The following ATP10A variants were observed in gnomAD, a reference collection of about 807,000 sequenced individuals.
ATP10A encodes phospholipid-transporting ATPase VA.
A neutral mutation model predicts 147.8 loss-of-function variants in ATP10A; 111 were observed. The ratio of observed to expected loss-of-function variants is 0.75; its 90% confidence interval spans 0.64 to 0.88. The LOEUF (loss-of-function observed/expected upper bound fraction) is 0.88, where lower values mean the gene tolerates loss of function less well. Ranked by LOEUF, ATP10A falls within the 40% of genes least tolerant of loss-of-function variation. ATP10A has a pLI of 0.00. For missense variants in ATP10A, 1,927 were observed against 1,959.0 expected (o/e 0.98, Z 0.31); for synonymous variants, 875 against 841.6 (o/e 1.04, Z -0.69).
intron 1 of ATP10A, among the ~76,000 whole-genome samples, chr15:25,827,311 T>C (rs909411729): frequency 4.6e-5 from 7 of 152,210 alleles, no homozygotes; most frequent in Non-Finnish European, 1.0e-4. Flanking sequence ...AGACTGTAAC[T>C]TGAATAGATC....
At chr15:25,855,821 T>TTAGATA (rs1893493826) in intron 1 of ATP10A, among the ~76,000 whole-genome samples, 1 of 152,170 alleles carries the variant, frequency 6.6e-6, no homozygotes, top group Non-Finnish European at 1.5e-5. Context: ...AAAACAATTA[T>TTAGATA]TAGATATAAT....
intron 2 of ATP10A, among the ~76,000 whole-genome samples, chr15:25,756,796 G>A (rs551334545): frequency 6.6e-6 from 1 of 152,332 alleles, no homozygotes; most frequent in East Asian, 1.9e-4. Context: ...CTGGTTTAAT[G>A]AAAACAGTTG....
intron 13 of ATP10A, among the ~76,000 whole-genome samples, chr15:25,701,633 A>G (rs996960007): frequency 1.3e-5 from 2 of 152,214 alleles, no homozygotes; most frequent in African/African-American, 4.8e-5. Context: ...GTGGAAGCAC[A>G]GGGGACCTCA....
At chr15:25,789,591 T>TGTGTGTGTGTGTGTGA (rs1555470190) in intron 1 of ATP10A, among the ~76,000 whole-genome samples, 1,882 of 151,326 alleles carry the variant, frequency 0.012, 17 homozygotes, top group Middle Eastern at 0.051. Context: ...TGTGTGTGTG[T>TGTGTGTGTGTGTGTGA]GACAGAGACA....
downstream of ATP10A, among the ~76,000 whole-genome samples, chr15:25,674,422 T>C (rs904605350): frequency 7.3e-3 from 20 of 2,726 alleles, no homozygotes; most frequent in Admixed American, 0.14. Flanking sequence ...GGACTGCTGT[T>C]GATAATAAAT....
intron 1 of ATP10A, chr15:25,861,781 C>T (rs1027000126): frequency 2.0e-5 from 3 of 153,674 alleles, no homozygotes; most frequent in Non-Finnish European, 4.3e-5. Flanking sequence ...AGACGACCCA[C>T]CTTTCTCAGG....
At chr15:25,759,063 C>T (rs530489705) in intron 2 of ATP10A, among the ~76,000 whole-genome samples, 1 of 152,360 alleles carries the variant, frequency 6.6e-6, no homozygotes, top group East Asian at 1.9e-4. Flanking sequence ...CACCAGGGGC[C>T]ACGTGCGTCA....
intron 2 of ATP10A, among the ~76,000 whole-genome samples, chr15:25,759,894 T>G (rs143096707): frequency 6.6e-6 from 1 of 152,170 alleles, no homozygotes; most frequent in Admixed American, 6.5e-5. Flanking sequence ...TAATTTCTTG[T>G]GCTTTGTATC....
chr15:25,727,447 G>C (rs1279380328), intron 3 of ATP10A, among the ~76,000 whole-genome samples, 181 bp from the exon 4 acceptor site: 1 of 152,144 alleles, frequency 6.6e-6, no homozygotes, highest in African/African-American at 2.4e-5. Flanking sequence ...GTCTCTGCAA[G>C]AGCTGAGACA....
At chr15:25,733,654 G>A (rs969693769) in intron 3 of ATP10A, among the ~76,000 whole-genome samples, 1 of 152,238 alleles carries the variant, frequency 6.6e-6, no homozygotes, top group East Asian at 1.9e-4. Flanking sequence ...TGGTGGAGAT[G>A]GCGAATTATC....
chr15:25,739,349 A>C (rs956108444), intron 2 of ATP10A, among the ~76,000 whole-genome samples: 3 of 152,238 alleles, frequency 2.0e-5, no homozygotes, highest in African/African-American at 4.8e-5. Context: ...CATCTTCAGC[A>C]ATGCCTGTGG....
In ATP10A at chr15:25,807,285, G is replaced by GC. The variant is rs542503760; in HGVS notation, c.450-26063dup. On this transcript the variant is annotated intron_variant, in intron 1 of 20. Transcript: ENST00000555815. ...GGCAGGTGGGGCAGCCAGCAGGGTG[G>GC]CCCCCCACCAGCCCAGGGGCCTTCC... Among the ~76,000 whole-genome samples the GC allele has an allele frequency of 1.9e-4, 29 of 152,282 alleles. No homozygotes were observed. The South Asian group carries it at 3.3e-3, about 17-fold the overall frequency.
chr15:25,845,322 T>TTGTGTGTGTGTGTGTGTG (rs746244130), intron 1 of ATP10A, among the ~76,000 whole-genome samples: 1 of 141,604 alleles, frequency 7.1e-6, no homozygotes, highest in African/African-American at 2.5e-5. Context: ...GTTTGTGTGT[T>TTGTGTGTGTGTGTGTGTG]TGTGTGTGTG....
downstream of ATP10A, among the ~76,000 whole-genome samples, chr15:25,675,335 G>T (rs141930205): frequency 6.4e-3 from 978 of 152,324 alleles, 6 homozygotes; most frequent in Middle Eastern, 0.024. Context: ...CTTGCCCCAG[G>T]TTAGGTATAA....
At chr15:25,726,136 A>G in intron 4 of ATP10A, 54 bp from the exon 5 acceptor site, 8 of 1,583,442 alleles carry the variant, frequency 5.1e-6, no homozygotes, top group Non-Finnish European at 6.9e-6. Context: ...CTAAGGGACC[A>G]GCTGCATGGA....
At chr15:25,716,490 T>C (rs1055645508) in intron 9 of ATP10A, among the ~76,000 whole-genome samples, 1 of 152,178 alleles carries the variant, frequency 6.6e-6, no homozygotes, top group Non-Finnish European at 1.5e-5. Context: ...TCTGGTGGGC[T>C]GCCCCCTCCC....
chr15:25,745,063 C>T (rs752802821), intron 2 of ATP10A, among the ~76,000 whole-genome samples: 4 of 152,178 alleles, frequency 2.6e-5, no homozygotes, highest in Admixed American at 2.0e-4. Context: ...CGGTGGCTCA[C>T]GCCTGTAATC....
chr15:25,833,065 C>G (rs893765998), intron 1 of ATP10A, among the ~76,000 whole-genome samples: 3 of 148,678 alleles, frequency 2.0e-5, no homozygotes, highest in Non-Finnish European at 3.0e-5. Context: ...TCACTGCAAC[C>G]TCCGCCTCCT....
intron 17 of ATP10A, among the ~76,000 whole-genome samples, chr15:25,681,288 C>T (rs1899396642): frequency 6.6e-6 from 1 of 152,160 alleles, no homozygotes; most frequent in African/African-American, 2.4e-5. Flanking sequence ...AAAAATATAT[C>T]TATAAGGACA....
Sources: gnomAD v4.1 joint callset for allele counts (sites outside exome capture counted in the v4.1 genomes callset) on GRCh38, gnomAD v4.1.1 for gene constraint, MANE v1.5 for transcripts, NCBI Gene and HGNC (gene_info 2026-07-23, HGNC 2026-07-21) for gene names.